Variants in SUSD1 observed in about 807,000 individuals in gnomAD.
The protein encoded by SUSD1 is sushi domain containing 1.
SUSD1 carries 65 observed loss-of-function variants against 86.9 expected under a neutral mutation model. That is an observed-to-expected ratio of 0.75 (90% CI 0.61 to 0.92). SUSD1 has a LOEUF of 0.92. Among genes scored for constraint, SUSD1 ranks in the 40% least tolerant of loss-of-function variants. SUSD1 has a pLI of 0.00. For missense variants in SUSD1, 850 were observed against 929.7 expected, an observed-to-expected ratio of 0.91 and a Z score of 1.11; for synonymous variants, 346 against 350.0, an observed-to-expected ratio of 0.99 and a Z score of 0.13.
rs139770020 is a variant in SUSD1 at position 112,143,447 on chromosome 9, C to T, written c.526+24G>A. The T allele has an allele frequency of 5.3e-5, 86 of 1,609,138 alleles. No homozygotes were observed. The East Asian group carries it at 1.7e-3, about 33-fold the overall frequency. ...ATCAACAGAATTTCACGTTGAGATGCCGCAATTTTTGGCAGAAACCCACCT... is the reference window on the plus strand; with the variant it reads ...ATCAACAGAATTTCACGTTGAGATGTCGCAATTTTTGGCAGAAACCCACCT... On this transcript the variant is annotated intron_variant, in intron 4 of 16. Coordinates refer to ENST00000374270, the MANE Select transcript of SUSD1 (RefSeq NM_022486.5).
At chr9:112,153,854 T>TCCTCCTG (rs1254556816) in intron 2 of SUSD1, among the ~76,000 whole-genome samples, 1 of 152,142 alleles carries the variant, frequency 6.6e-6, no homozygotes, top group East Asian at 1.9e-4. Context: ...CTTCAGGTGA[T>TCCTCCTG]CCTCCTGCCT....
intron 2 of SUSD1, among the ~76,000 whole-genome samples, chr9:112,154,812 C>T (rs1433112678): frequency 6.6e-6 from 1 of 152,148 alleles, no homozygotes; most frequent in Non-Finnish European, 1.5e-5. Context: ...ACCTCTGGCA[C>T]ATGTATAACC....
chr9:112,088,613 C>T (rs1274303182), intron 10 of SUSD1, among the ~76,000 whole-genome samples: 1 of 152,024 alleles, frequency 6.6e-6, no homozygotes, highest in Non-Finnish European at 1.5e-5. Flanking sequence ...ATAGGGAGAA[C>T]CTGTCTCCAC....
chr9:112,113,248 C>A lies in SUSD1; in HGVS notation c.887-380G>T, dbSNP rs1176441211. On this transcript the variant is annotated intron_variant, in intron 6 of 16. Coordinates refer to ENST00000374270, the MANE Select transcript of SUSD1 (RefSeq NM_022486.5). This position sits in a 1 kb window ranked among gnomAD's most constrained non-coding sequence, Gnocchi z 4.1. ...ACTGCACAGGTAAGACCTACTTCCA[C>A]CTTTCTCTTCCCAGCAGAATGATGG... Among the ~76,000 whole-genome samples, 1 of 152,166 alleles carries A rather than the reference C, an allele frequency of 6.6e-6. No homozygotes were observed. Among genetic ancestry groups the A allele is most frequent in the Non-Finnish European group, 1.5e-5 (1 of 68,030 alleles).
chr9:112,168,636 A>T (rs1833918349), intron 1 of SUSD1, among the ~76,000 whole-genome samples: 1 of 152,220 alleles, frequency 6.6e-6, no homozygotes, highest in African/African-American at 2.4e-5. Context: ...AGATGTTCAC[A>T]GTCAAGAGAA....
intron 5 of SUSD1, among the ~76,000 whole-genome samples, chr9:112,138,967 C>T (rs1832439180): frequency 1.3e-5 from 2 of 152,036 alleles, no homozygotes; most frequent in Admixed American, 1.3e-4. Flanking sequence ...ATTGGAAAAT[C>T]TGGATGAAGT....
intron 1 of SUSD1, among the ~76,000 whole-genome samples, chr9:112,170,710 T>TAGAGAGAGAGAGAGAGAG (rs1554778939): frequency 8.8e-6 from 1 of 113,794 alleles, no homozygotes; most frequent in Non-Finnish European, 1.7e-5. Flanking sequence ...TATATATATA[T>TAGAGAGAGAGAGAGAGAG]AGAGAGAGAG....
rs115008938 is a variant in SUSD1, at chr9:112,057,387, T to C, written c.2109+1041A>G. ...AGTAGATCTCTGAACCATCTCTAAA[T>C]TGCACTCATGTTGTACTGCCAGTGT... is the stretch of plus-strand genomic sequence containing the variant. On this transcript the variant is annotated intron_variant, in intron 14 of 16. Transcript: ENST00000374270. Among the ~76,000 whole-genome samples, 692 of 152,308 alleles carry C rather than the reference T, an allele frequency of 4.5e-3. 7 individuals carry two copies. The highest frequency in any genetic ancestry group is 0.016 in the African/African-American group (661 of 41,564).
At chr9:112,075,463 A>C (rs1001718930) in intron 12 of SUSD1, among the ~76,000 whole-genome samples, 5 of 152,230 alleles carry the variant, frequency 3.3e-5, no homozygotes, top group Non-Finnish European at 5.9e-5. Context: ...ACAGAGACTC[A>C]TGCCTATAAT....
intron 12 of SUSD1, among the ~76,000 whole-genome samples, chr9:112,076,798 G>A (rs1201166633): frequency 6.6e-6 from 1 of 152,206 alleles, no homozygotes; most frequent in Non-Finnish European, 1.5e-5. Context: ...GGGACAGCAA[G>A]GCAGAAGGAA....
intron 10 of SUSD1, among the ~76,000 whole-genome samples, chr9:112,085,296 A>G (rs1056864995): frequency 2.0e-5 from 3 of 152,200 alleles, no homozygotes; most frequent in Non-Finnish European, 2.9e-5. Context: ...AAAACAAGGG[A>G]GTATATAATA....
chr9:112,156,503 C>T (rs1264502925), intron 2 of SUSD1, among the ~76,000 whole-genome samples: 2 of 151,934 alleles, frequency 1.3e-5, no homozygotes, highest in Non-Finnish European at 2.9e-5. Flanking sequence ...AACTCCTGGG[C>T]TCAAGGCATC....
chr9:112,142,320 C>A lies in SUSD1; in HGVS notation c.706G>T (p.Glu236Ter). ...GAACCTGTATTTTTTGAAAACTCAC[C>A]TTGGCAATGTAATTTTGGGGACTCC... Reference protein sequence around the residue: ...TWESPKLHCQEINCGNPPEMR... With the variant: ...TWESPKLHCQ The change falls in exon 5 of 17, where the codon GAG becomes TAG. Residue 236 changes from glutamate (E) to a stop codon, truncating the protein, a stop_gained and splice_region_variant. Transcript: ENST00000374270. LOFTEE classifies it high-confidence loss of function. 1 of 1,564,636 alleles carries A rather than the reference C, an allele frequency of 6.4e-7. No homozygotes were observed.
At chr9:112,043,277 A>C (rs1827820985) in intron 15 of SUSD1, among the ~76,000 whole-genome samples, 2 of 152,186 alleles carry the variant, frequency 1.3e-5, no homozygotes, top group African/African-American at 4.8e-5. Flanking sequence ...GTAAAACCTA[A>C]GATCAGTGCT....
chr9:112,171,572 G>A (rs1834047340), intron 1 of SUSD1, among the ~76,000 whole-genome samples: 1 of 152,138 alleles, frequency 6.6e-6, no homozygotes, highest in African/African-American at 2.4e-5. Flanking sequence ...TAGGAGGAGT[G>A]AGGACACCCA....
rs529470594 is a variant in SUSD1, at chr9:112,142,961, CTTTTTTTTTTTTTTTTTTTTTT to C, written c.527-484_527-463del. On this transcript the variant is annotated intron_variant, in intron 4 of 16. Transcript: ENST00000374270. The stretch of plus-strand genomic sequence containing the variant: ...AATCCTTTAAGTTTATGAATTTTAG[CTTTTTTTTTTTTTTTTTTTTTT>C]TTTTTTTTTTTTTTTTTTAAGACAG... 0.011 allele frequency among the ~76,000 whole-genome samples: 331 copies of C among 30,216 alleles called. 11 individuals are homozygous for C. The Admixed American group carries it at 0.13, about 12-fold the overall frequency. 19.8% of individuals were successfully genotyped at this position (30,216 alleles called of 152,430 possible). A position where few individuals can be genotyped will look rare whatever the true frequency, so the allele number is the denominator to read the frequency against.
intron 11 of SUSD1, 33 bp from the exon 12 acceptor site, chr9:112,078,757 T>A: frequency 6.3e-7 from 1 of 1,599,116 alleles, no homozygotes; most frequent in African/African-American, 1.3e-5. Context: ...GGGTGAATGG[T>A]TGGCCTAAAA....
Position 112,175,107 on chromosome 9 carries a change from C to T in SUSD1, c.103+26G>A. The T allele has an allele frequency of 9.8e-7, 1 of 1,015,836 alleles. No homozygotes were observed. The highest frequency in any genetic ancestry group is 1.2e-6 in the Non-Finnish European group (1 of 851,568). 62.9% of individuals were successfully genotyped at this position (1,015,836 alleles called of 1,614,324 possible). A position where few individuals can be genotyped will look rare whatever the true frequency, so the allele number is the denominator to read the frequency against. ...CCCAGCCGGGGGCCCCGCCGGCCGCCCGTGCCCGTCCCAGCCCGCACTCAC... is the reference window on the plus strand; with the variant it reads ...CCCAGCCGGGGGCCCCGCCGGCCGCTCGTGCCCGTCCCAGCCCGCACTCAC... On this transcript the variant is annotated intron_variant, in intron 1 of 16. Coordinates refer to ENST00000374270, the MANE Select transcript of SUSD1 (RefSeq NM_022486.5). The surrounding 1 kb of genome is among the most constrained non-coding windows in gnomAD (Gnocchi z 4.7).
chr9:112,088,026 G>T (rs1830055083), intron 10 of SUSD1, among the ~76,000 whole-genome samples: 1 of 152,206 alleles, frequency 6.6e-6, no homozygotes, highest in Non-Finnish European at 1.5e-5. Context: ...GGCTGCATCA[G>T]ACTTCTCAAA....
Sources: allele counts gnomAD v4.1 joint callset (sites outside exome capture counted in the v4.1 genomes callset), GRCh38; gene constraint gnomAD v4.1.1; non-coding constraint Gnocchi (gnomAD v3.1); transcripts MANE v1.5; gene names NCBI Gene and HGNC (gene_info 2026-07-23, HGNC 2026-07-21).